The following PHF24 variants were observed in gnomAD, a reference collection of about 807,000 sequenced individuals.
The protein encoded by PHF24 is Galpha inhibitory interacting protein.
A neutral mutation model predicts 42.6 loss-of-function variants in PHF24; 25 were observed. The ratio of observed to expected loss-of-function variants is 0.59; its 90% CI spans 0.43 to 0.82. PHF24 has a LOEUF of 0.82. PHF24 is among the 40% of genes least tolerant of loss of function. The pLI is 0.00. For synonymous variants in PHF24, 185 were observed against 204.8 expected (o/e 0.90, Z 0.83); for missense variants, 470 against 538.1 (o/e 0.87, Z 1.25).
the PHF24 span, among the ~76,000 whole-genome samples, chr9:34,904,566 T>C: frequency 6.6e-6 from 1 of 151,852 alleles, no homozygotes; most frequent in South Asian, 2.1e-4. Context: ...GCATCCCTGG[T>C]ATGCAACCCA....
chr9:34,976,039 G>A, intron 3 of PHF24, 113 bp from the exon 4 acceptor site: 4 of 745,140 alleles, frequency 5.4e-6, no homozygotes, highest in Admixed American at 4.0e-5. Flanking sequence ...AGGAGGCTGG[G>A]ATTAGATGAT....
chr9:34,668,436 T>C, the PHF24 span, among the ~76,000 whole-genome samples: 4 of 152,010 alleles, frequency 2.6e-5, no homozygotes, highest in African/African-American at 7.3e-5. Flanking sequence ...ACACATAGAC[T>C]GCAAAGGAAT....
chr9:34,761,909 AT>A, the PHF24 span, among the ~76,000 whole-genome samples: 10 of 151,806 alleles, frequency 6.6e-5, no homozygotes, highest in Admixed American at 2.0e-4. Flanking sequence ...ATGTGTTCTC[AT>A]TGCTCAATTC....
the PHF24 span, among the ~76,000 whole-genome samples, chr9:34,711,856 T>A: frequency 1.3e-5 from 2 of 152,224 alleles, no homozygotes; most frequent in African/African-American, 4.8e-5. Context: ...TATGTTGTTA[T>A]GTTTATCAGA....
At chr9:34,969,533 T>C (rs10758288) in intron 1 of PHF24, among the ~76,000 whole-genome samples, 149,986 of 152,000 alleles carry the variant, frequency 0.99, 74,021 homozygotes, top group Middle Eastern at 1. Context: ...CCCAGCTACT[T>C]AGGAGGCTGA....
the PHF24 span, chr9:34,709,984 C>T: frequency 2.8e-5 from 45 of 1,614,124 alleles, 1 homozygote; most frequent in East Asian, 2.9e-4. Context: ...TGCAAGGCCC[C>T]TCCCTGCCTT....
the PHF24 span, among the ~76,000 whole-genome samples, chr9:34,798,809 T>C: frequency 6.6e-6 from 1 of 152,300 alleles, no homozygotes; most frequent in Admixed American, 6.5e-5. Context: ...TTGAACTAAT[T>C]TACACTCCCA....
the PHF24 span, among the ~76,000 whole-genome samples, chr9:34,846,207 A>G: frequency 8.5e-5 from 13 of 152,258 alleles, no homozygotes; most frequent in East Asian, 1.9e-4. Flanking sequence ...CTAGTTTACA[A>G]TCCCACAAAC....
At chr9:34,950,119 C>T in the PHF24 span, among the ~76,000 whole-genome samples, 7 of 151,666 alleles carry the variant, frequency 4.6e-5, no homozygotes, top group East Asian at 1.9e-4. Context: ...TGACTGGTGA[C>T]GGGTGGATCA....
chr9:34,676,750 G>C, the PHF24 span, among the ~76,000 whole-genome samples: 274 of 152,336 alleles, frequency 1.8e-3, 2 homozygotes, highest in African/African-American at 6.3e-3. Context: ...GGAGGACTCA[G>C]GAAGCTTACA....
At chr9:34,772,493 CT>C in the PHF24 span, among the ~76,000 whole-genome samples, 1 of 151,838 alleles carries the variant, frequency 6.6e-6, no homozygotes, top group Admixed American at 6.6e-5. Flanking sequence ...TAATAGTTAG[CT>C]ATGTGTATTC....
Position 34,972,676 on chromosome 9 carries a change from G to A in PHF24, c.564+145G>A, listed in dbSNP as rs534227403. On this transcript the variant is annotated intron_variant, in intron 3 of 7. Transcript: ENST00000242315. ...CATGCCTGTAATCCCAGCACTTTGG[G>A]AGGCCAGTGCCGGAAGATCACGAGG... 197 of 679,910 alleles carry A rather than the reference G, an allele frequency of 2.9e-4. No individual in the cohort carries two copies. The African/African-American group carries it at 3.1e-3, about 11-fold the overall frequency. The allele number at this position is 679,910 out of a possible 1,614,324, so 42.1% of individuals were successfully genotyped here. A position where few individuals can be genotyped will look rare whatever the true frequency, so the allele number is the denominator to read the frequency against.
chr9:34,917,331 T>G, the PHF24 span: 1 of 881,558 alleles, frequency 1.1e-6, no homozygotes, highest in Non-Finnish European at 1.9e-6. Flanking sequence ...TGAGCCCAAG[T>G]GTGTGGAAGA....
chr9:34,877,639 A>G, the PHF24 span, among the ~76,000 whole-genome samples: 2 of 152,186 alleles, frequency 1.3e-5, no homozygotes, highest in African/African-American at 4.8e-5. Flanking sequence ...TTTGTGTTAT[A>G]TATATTTTTA....
At chr9:34,785,949 A>G in the PHF24 span, among the ~76,000 whole-genome samples, 1 of 152,216 alleles carries the variant, frequency 6.6e-6, no homozygotes, top group Admixed American at 6.5e-5. Flanking sequence ...AGATCTGCAT[A>G]GCGTTACAAT....
At chr9:34,882,111 C>A in the PHF24 span, among the ~76,000 whole-genome samples, 3 of 152,144 alleles carry the variant, frequency 2.0e-5, no homozygotes, top group African/African-American at 7.2e-5. Context: ...AAGACAAAAA[C>A]CACATGATTA....
At chr9:34,858,070 ATTAT>A in the PHF24 span, among the ~76,000 whole-genome samples, 2 of 150,898 alleles carry the variant, frequency 1.3e-5, no homozygotes, top group Non-Finnish European at 2.9e-5. Flanking sequence ...TTCTTTTTAA[ATTAT>A]TTATTTACTT....
the PHF24 span, among the ~76,000 whole-genome samples, chr9:34,860,740 G>A: frequency 5.3e-5 from 8 of 151,768 alleles, no homozygotes; most frequent in Non-Finnish European, 1.0e-4. Flanking sequence ...TCATGTTAAG[G>A]ATTCTATTTT....
At chr9:34,855,881 C>T in the PHF24 span, among the ~76,000 whole-genome samples, 2 of 152,104 alleles carry the variant, frequency 1.3e-5, no homozygotes, top group East Asian at 3.9e-4. Context: ...GACTTGTTTT[C>T]CTTCTCCTTG....
Sources: gnomAD v4.1 joint callset for allele counts (sites outside exome capture counted in the v4.1 genomes callset) on GRCh38, gnomAD v4.1.1 for gene constraint, MANE v1.5 for transcripts, NCBI Gene and HGNC (gene_info 2026-07-23, HGNC 2026-07-21) for gene names.